RELN: variants seen among roughly 807,000 people sequenced by gnomAD.
The protein encoded by RELN is reelin.
A neutral mutation model predicts 427.6 loss-of-function variants in RELN; 108 were observed. The ratio of observed to expected loss-of-function variants is 0.25; its 90% CI spans 0.22 to 0.30. The LOEUF (loss-of-function observed/expected upper bound fraction) is 0.30, where lower values mean the gene tolerates loss of function less well. Among genes scored for constraint, RELN ranks in the 10% least tolerant of loss-of-function variants. RELN has a pLI of 1.00. For missense variants in RELN, 3,715 were observed against 4,302.8 expected (o/e 0.86, Z 3.82); for synonymous variants, 1,524 against 1,513.4 (o/e 1.01, Z -0.16).
chr7:103,738,120 C>T (rs889736062), intron 6 of RELN, among the ~76,000 whole-genome samples: 1 of 149,020 alleles, frequency 6.7e-6, no homozygotes, highest in Non-Finnish European at 1.5e-5. Flanking sequence ...ATCTAGTTGC[C>T]AGTTATCATT....
chr7:103,900,019 C>A (rs1795048623), intron 2 of RELN, among the ~76,000 whole-genome samples: 1 of 152,278 alleles, frequency 6.6e-6, no homozygotes, highest in South Asian at 2.1e-4. Context: ...TCCCTGTTTG[C>A]AGTTGACATG....
At chr7:103,592,511 G>A (rs367772690) in intron 27 of RELN, among the ~76,000 whole-genome samples, 36 of 151,988 alleles carry the variant, frequency 2.4e-4, no homozygotes, top group East Asian at 1.9e-3. Context: ...GTGTCTTTAT[G>A]GTAGAATGAT....
intron 8 of RELN, among the ~76,000 whole-genome samples, chr7:103,705,668 G>A (rs1365986009): frequency 2.6e-5 from 4 of 152,162 alleles, no homozygotes; most frequent in Admixed American, 6.5e-5. Context: ...GTAGGGTTAC[G>A]AGAATGGATA....
chr7:103,655,473 A>G (rs1393892904), intron 12 of RELN, among the ~76,000 whole-genome samples: 1 of 152,068 alleles, frequency 6.6e-6, no homozygotes, highest in Non-Finnish European at 1.5e-5. Context: ...ACCCTCTGAG[A>G]GTTAATCTAG....
intron 52 of RELN, 52 bp from the exon 53 acceptor site, chr7:103,500,974 A>C: frequency 6.5e-7 from 1 of 1,546,546 alleles, no homozygotes. Flanking sequence ...AACTGTATTT[A>C]GGTCCATTGT....
At chr7:103,973,988 C>T (rs979160166) in intron 1 of RELN, among the ~76,000 whole-genome samples, 2 of 151,950 alleles carry the variant, frequency 1.3e-5, no homozygotes, top group Non-Finnish European at 2.9e-5. Flanking sequence ...ACTAAAAATA[C>T]AAAAATTAGC....
intron 28 of RELN, 100 bp from the exon 29 acceptor site, chr7:103,575,805 T>A (rs1295118742): frequency 5.2e-6 from 7 of 1,342,748 alleles, no homozygotes; most frequent in Non-Finnish European, 7.5e-6. Context: ...GACTTAATAT[T>A]TATTTGAAAG....
chr7:103,975,995 A>T (rs764294979), intron 1 of RELN, among the ~76,000 whole-genome samples: 14 of 152,094 alleles, frequency 9.2e-5, no homozygotes, highest in Middle Eastern at 3.2e-3. Context: ...AAAAGTCCTG[A>T]GGTGGATCTG....
chr7:103,702,334 G>T (rs1834111169), intron 8 of RELN, among the ~76,000 whole-genome samples: 2 of 152,170 alleles, frequency 1.3e-5, no homozygotes, highest in African/African-American at 4.8e-5. Context: ...TTAGCCTCAA[G>T]AATTTAAATG....
intron 2 of RELN, among the ~76,000 whole-genome samples, chr7:103,877,867 T>C (rs1314180646): frequency 6.7e-6 from 1 of 150,274 alleles, no homozygotes; most frequent in Non-Finnish European, 1.5e-5. Flanking sequence ...CCTTTTTTTT[T>C]TTTTTTTTTG....
chr7:103,557,919 C>T (rs1830560603), intron 37 of RELN, 46 bp downstream of exon 37: 1 of 903,222 alleles, frequency 1.1e-6, no homozygotes, highest in African/African-American at 1.6e-5. Flanking sequence ...AAAGGAATTG[C>T]ACAGGGGAGA....
intron 6 of RELN, among the ~76,000 whole-genome samples, chr7:103,732,881 T>C (rs1174254761): frequency 6.6e-6 from 1 of 152,102 alleles, no homozygotes; most frequent in Non-Finnish European, 1.5e-5. Context: ...TTCACTCTGA[T>C]GGTAGTTTCT....
At chr7:103,969,743 C>T (rs1368339283) in intron 1 of RELN, among the ~76,000 whole-genome samples, 1 of 152,142 alleles carries the variant, frequency 6.6e-6, no homozygotes, top group East Asian at 1.9e-4. Flanking sequence ...ATACTGAAGG[C>T]AGAAACCATA....
intron 46 of RELN, among the ~76,000 whole-genome samples, chr7:103,528,267 G>A (rs957163034): frequency 6.6e-6 from 1 of 152,182 alleles, no homozygotes; most frequent in African/African-American, 2.4e-5. Flanking sequence ...ACTACACTTT[G>A]ATGCTAAGTG....
At chr7:103,677,756 A>T (rs192262292) in intron 11 of RELN, among the ~76,000 whole-genome samples, 204 of 120,754 alleles carry the variant, frequency 1.7e-3, no homozygotes, top group African/African-American at 6.2e-3. Context: ...ACAGAGTGAG[A>T]ATCTGTCTCA....
At chr7:103,833,249 C>T (rs867782469) in intron 3 of RELN, among the ~76,000 whole-genome samples, 2 of 152,150 alleles carry the variant, frequency 1.3e-5, no homozygotes, top group African/African-American at 2.4e-5. Context: ...CTGTTCCCCA[C>T]GTCCCCTACC....
intron 2 of RELN, among the ~76,000 whole-genome samples, chr7:103,912,330 A>C (rs1021550911): frequency 9.9e-5 from 15 of 151,892 alleles, no homozygotes; most frequent in African/African-American, 3.6e-4. Flanking sequence ...GATTACAGGT[A>C]CCTGCCACCA....
rs191671732 is a variant in RELN, at chr7:103,503,282, T to A, written c.8275-52A>T. 3.2e-5 allele frequency: 50 copies of A among 1,549,150 alleles called. No individual in the cohort carries two copies. In the African/African-American group the frequency reaches 3.7e-4, roughly 11 times the overall value. Reference sequence around the variant, plus strand: ...GTATTAAAACTATATGATATGATTCTTCTCCAAGGACTTGGCAGCAAAAAA... The same window carrying A: ...GTATTAAAACTATATGATATGATTCATCTCCAAGGACTTGGCAGCAAAAAA... On this transcript the variant is annotated intron_variant, in intron 51 of 64. Coordinates refer to ENST00000428762, the MANE Select transcript of RELN (RefSeq NM_005045.4).
In RELN at chr7:103,475,781, A is replaced by C. The variant is rs78169838; in HGVS notation, c.10286+2608T>G. Among the ~76,000 whole-genome samples the C allele has an allele frequency of 1.0e-3, 156 of 152,344 alleles. No individual in the cohort carries two copies. The East Asian group carries it at 0.023, about 22-fold the overall frequency. ...CTCCATCTTTATAGGTGAGAAAATA[A>C]ATACTAGCAGGTTGCAGATCTTTAG... On this transcript the variant is annotated intron_variant, in intron 64 of 64. Coordinates refer to ENST00000428762, the MANE Select transcript of RELN (RefSeq NM_005045.4).
Sources: gnomAD v4.1 joint callset for allele counts (sites outside exome capture counted in the v4.1 genomes callset) on GRCh38, gnomAD v4.1.1 for gene constraint, MANE v1.5 for transcripts, NCBI Gene and HGNC (gene_info 2026-07-23, HGNC 2026-07-21) for gene names.